GPATCH8: variants seen among roughly 807,000 people sequenced by gnomAD.
GPATCH8 encodes G patch domain-containing protein 8.
GPATCH8 carries 18 observed loss-of-function variants against 118.3 expected under a neutral mutation model. The ratio of observed to expected loss-of-function variants is 0.15; its 90% CI spans 0.11 to 0.23. The LOEUF (loss-of-function observed/expected upper bound fraction) is 0.23. Ranked by LOEUF, GPATCH8 falls within the 10% of genes least tolerant of loss-of-function variation. GPATCH8 has a pLI of 1.00. For missense variants in GPATCH8, 1,631 were observed against 1,873.8 expected (o/e 0.87, Z 2.39); for synonymous variants, 659 against 684.7 (o/e 0.96, Z 0.59).
intron 7 of GPATCH8, among the ~76,000 whole-genome samples, chr17:44,405,689 A>G (rs983555958): frequency 2.6e-5 from 4 of 151,572 alleles, no homozygotes; most frequent in Middle Eastern, 3.2e-3. Flanking sequence ...TATTTTTAGT[A>G]GAGATGGGGT....
In GPATCH8 at chr17:44,399,481, A is replaced by G. The variant is rs756002109; in HGVS notation, c.2596T>C (p.Ser866Pro). ...GAGCTACTTGAGTAAGAACGCCGGG[A>G]GGAACGATGCGAGGAATGGCGCCGG... ...SGRRHSSHRS[S>P]RRSYSSSSDA... Residue 866 changes from serine to proline, a missense_variant, in exon 8 of 8, where the codon TCC (serine) becomes CCC (proline). Physicochemically the swap from Ser to Pro is moderately conservative, Grantham distance 74. Around this residue, in one of 8 missense-constraint regions of GPATCH8, gnomAD observed 922 missense variants for 879.7 expected, o/e 1.05. Coordinates refer to ENST00000591680, the MANE Select transcript of GPATCH8 (RefSeq NM_001002909.4). 58 of 1,613,980 alleles carry G rather than the reference A, an allele frequency of 3.6e-5. 1 individual carries two copies. In the Middle Eastern group the frequency reaches 1.2e-3, roughly 32 times the overall value.
chr17:44,404,352 T>C (rs1266430333), intron 7 of GPATCH8, among the ~76,000 whole-genome samples: 1 of 151,616 alleles, frequency 6.6e-6, no homozygotes, highest in Non-Finnish European at 1.5e-5. Context: ...TATGTTGCCC[T>C]GGCTGGTCTT....
At chr17:44,453,073 C>T (rs1380044919) in intron 3 of GPATCH8, among the ~76,000 whole-genome samples, 1 of 152,034 alleles carries the variant, frequency 6.6e-6, no homozygotes, top group Non-Finnish European at 1.5e-5. Context: ...GCTCAAGCAT[C>T]CACCCACATT....
At chr17:44,484,979 A>AT (rs1410118914) in intron 1 of GPATCH8, among the ~76,000 whole-genome samples, 6 of 151,300 alleles carry the variant, frequency 4.0e-5, no homozygotes, top group Non-Finnish European at 5.9e-5. Context: ...GCCTGGCTAC[A>AT]TTTTTTTGTA....
At position 44,436,029 on chromosome 17, in the gene GPATCH8, C is replaced by CAAAAAA. The variant is rs1157048818; in HGVS notation, c.261+443_261+448dup. 7.2e-4 allele frequency among the ~76,000 whole-genome samples: 30 copies of CAAAAAA among 41,768 alleles called. 1 individual carries two copies. Among genetic ancestry groups the CAAAAAA allele is most frequent in the Non-Finnish European group, 1.1e-3 (25 of 23,482 alleles). 27.4% of individuals were successfully genotyped at this position (41,768 alleles called of 152,430 possible). Reference sequence around the variant, plus strand: ...GGGCAACAAGAGCGAAACTCCATCTCAAAAAAAAAAAAAAAAAAAAAAAAA... The same window carrying CAAAAAA: ...GGGCAACAAGAGCGAAACTCCATCTCAAAAAAAAAAAAAAAAAAAAAAAAAAAAAAA... On this transcript the variant is annotated intron_variant, in intron 4 of 7. Transcript: ENST00000591680.
intron 1 of GPATCH8, among the ~76,000 whole-genome samples, chr17:44,497,545 G>A (rs1217089873): frequency 1.3e-5 from 2 of 151,922 alleles, no homozygotes; most frequent in African/African-American, 4.8e-5. Flanking sequence ...CCATGATCGC[G>A]TCACTGCACT....
rs561907890 is a variant in GPATCH8, at chr17:44,444,073, C to G, written c.194-7528G>C. ...ACTTTCCATCTAGGATAAAATAGTT[C>G]AATTTTAATCATATAACTAAATATA... On this transcript the variant is annotated intron_variant, in intron 3 of 7. Transcript: ENST00000591680. Among the ~76,000 whole-genome samples the G allele has an allele frequency of 9.1e-4, 138 of 152,024 alleles. 2 individuals carry two copies. The Middle Eastern group carries it at 0.024, about 26-fold the overall frequency.
At chr17:44,443,937 G>A (rs1450267812) in intron 3 of GPATCH8, among the ~76,000 whole-genome samples, 1 of 152,148 alleles carries the variant, frequency 6.6e-6, no homozygotes, top group Non-Finnish European at 1.5e-5. Flanking sequence ...GCCCCACAAG[G>A]TGCTGGGATT....
chr17:44,398,311 G>C lies in GPATCH8; in HGVS notation c.3766C>G (p.Leu1256Val). 1 of 1,614,020 alleles carries C rather than the reference G, an allele frequency of 6.2e-7. No homozygotes were observed. Among genetic ancestry groups the C allele is most frequent in the Non-Finnish European group, 8.5e-7 (1 of 1,179,966 alleles). The part of the protein sequence containing the change: ...DPSDGDTLES[L>V]DSSSQPGPVE... ...GGGCCTGGCTGACTGCTGCTATCCA[G>C]GGACTCCAGGGTGTCCCCATCACTG... The change falls in exon 8 of 8, where the codon CTG becomes GTG. Residue 1256 changes from leucine (L) to valine (V), a missense_variant. Physicochemically the swap from Leu to Val is conservative, Grantham distance 32. Coordinates refer to ENST00000591680, the MANE Select transcript of GPATCH8 (RefSeq NM_001002909.4).
intron 1 of GPATCH8, among the ~76,000 whole-genome samples, chr17:44,489,257 A>G (rs1274674470): frequency 3.3e-5 from 5 of 151,964 alleles, no homozygotes; most frequent in Non-Finnish European, 7.4e-5. Flanking sequence ...AAGAACCACC[A>G]TGCAATTGGA....
At chr17:44,429,927 G>A (rs2050242991) in intron 5 of GPATCH8, among the ~76,000 whole-genome samples, 1 of 152,122 alleles carries the variant, frequency 6.6e-6, no homozygotes, top group South Asian at 2.1e-4. Flanking sequence ...TACTTGGGTG[G>A]CTAAGGCATG....
chr17:44,501,394 G>A (rs1970054283), intron 1 of GPATCH8, among the ~76,000 whole-genome samples: 1 of 150,672 alleles, frequency 6.6e-6, no homozygotes. Flanking sequence ...TCCAGCCTGG[G>A]CGACACAGCG....
At chr17:44,451,450 A>T (rs2051108964) in intron 3 of GPATCH8, among the ~76,000 whole-genome samples, 2 of 152,184 alleles carry the variant, frequency 1.3e-5, no homozygotes, top group African/African-American at 2.4e-5. Context: ...AACAAGAAAA[A>T]CAGCAACAGA....
At position 44,436,574 on chromosome 17, in the gene GPATCH8, G is replaced by C. The variant is rs569079616; in HGVS notation, c.194-29C>G. 2.7e-6 allele frequency: 3 copies of C among 1,131,310 alleles called. No individual in the cohort carries two copies. In the East Asian group the frequency reaches 7.0e-5, roughly 26 times the overall value. The allele number at this position is 1,131,310 out of a possible 1,614,324, so 70.1% of individuals were successfully genotyped here. On this transcript the variant is annotated intron_variant, in intron 3 of 7. Transcript: ENST00000591680. ...TAACAGGAACACATAATCAAGGTAA[G>C]GTGCAAAGCCAAACCAACAGCTCAT...
Position 44,398,332 on chromosome 17 carries a change from C to T in GPATCH8, c.3745G>A (p.Asp1249Asn), listed in dbSNP as rs1445329655. The change falls in exon 8 of 8, where the codon GAT becomes AAT. Residue 1249 changes from aspartate (D) to asparagine (N), a missense_variant. By Grantham distance (23) the Asp-to-Asn change is conservative. This residue lies in a region of GPATCH8 where 922 missense variants were observed against 879.7 expected (regional missense o/e 1.05). Transcript: ENST00000591680. ...ISHNYLPDPSDGDTLESLDSS... is the reference protein window; with the variant it reads ...ISHNYLPDPSNGDTLESLDSS... ...TCCAGGGACTCCAGGGTGTCCCCAT[C>T]ACTGGGGTCGGGGAGGTAGTTATGG... 1.2e-6 allele frequency: 2 copies of T among 1,613,944 alleles called. No individual in the cohort carries two copies. Among genetic ancestry groups the T allele is most frequent in the Admixed American group, 3.3e-5 (2 of 59,996 alleles).
At chr17:44,491,677 A>T (rs1969258866) in intron 1 of GPATCH8, among the ~76,000 whole-genome samples, 1 of 152,030 alleles carries the variant, frequency 6.6e-6, no homozygotes, top group Non-Finnish European at 1.5e-5. Flanking sequence ...AGAAGACTCC[A>T]TCCCTACAAA....
chr17:44,471,030 C>T (rs1049834831), intron 2 of GPATCH8, among the ~76,000 whole-genome samples: 1 of 152,066 alleles, frequency 6.6e-6, no homozygotes, highest in African/African-American at 2.4e-5. Flanking sequence ...CAAAGCTTCT[C>T]GTAATAGGGA....
chr17:44,469,743 T>G lies in GPATCH8; in HGVS notation c.120+5086A>C, dbSNP rs545958418. ...AAAAATTCCCGAAACAAAAAAACTC[T>G]ATAGCTCACTACAGATGACACAATG... On this transcript the variant is annotated intron_variant, in intron 2 of 7. Coordinates refer to ENST00000591680, the MANE Select transcript of GPATCH8 (RefSeq NM_001002909.4). Among the ~76,000 whole-genome samples, 16 of 152,284 alleles carry G rather than the reference T, an allele frequency of 1.1e-4. No individual in the cohort carries two copies. In the East Asian group the frequency reaches 3.1e-3, roughly 29 times the overall value.
chr17:44,395,676 T>G lies in GPATCH8; in HGVS notation c.*1892A>C, dbSNP rs1567912670. 2.2e-6 allele frequency: 1 copy of G among 454,002 alleles called. No homozygotes were observed. Among genetic ancestry groups the G allele is most frequent in the Non-Finnish European group, 4.4e-6 (1 of 226,774 alleles). 28.1% of individuals were successfully genotyped at this position (454,002 alleles called of 1,614,324 possible). ...AGGAGGGTGGGAGGGCAGTCAAGAGTTGTGTTTGCCTGCCACTTTCTTTTC... is the reference window on the plus strand; with the variant it reads ...AGGAGGGTGGGAGGGCAGTCAAGAGGTGTGTTTGCCTGCCACTTTCTTTTC... On this transcript the variant is annotated 3_prime_UTR_variant, in exon 8 of 8. Transcript: ENST00000591680.
Sources: gnomAD v4.1 joint callset for allele counts (sites outside exome capture counted in the v4.1 genomes callset) on GRCh38, gnomAD v4.1.1 for gene constraint, gnomAD v4.1.1 regional missense constraint, MANE v1.5 for transcripts, NCBI Gene and HGNC (gene_info 2026-07-23, HGNC 2026-07-21) for gene names.